Variants in MYO5B observed in about 807,000 individuals in gnomAD.
MYO5B encodes myosin VB, also known as unconventional myosin-Vb.
A neutral mutation model predicts 229.3 loss-of-function variants in MYO5B; 143 were observed. That is an observed-to-expected ratio of 0.62 (90% CI 0.54 to 0.72). The LOEUF (loss-of-function observed/expected upper bound fraction) is 0.72, where lower values mean the gene tolerates loss of function less well. Ranked by LOEUF, MYO5B falls within the 30% of genes least tolerant of loss-of-function variation. The pLI is 0.00. For missense variants in MYO5B, 2,321 were observed against 2,331.0 expected, an observed-to-expected ratio of 1.00 and a Z score of 0.09; for synonymous variants, 918 against 885.2, an observed-to-expected ratio of 1.04 and a Z score of -0.66.
chr18:49,943,578 G>C (rs903740175), intron 14 of MYO5B, among the ~76,000 whole-genome samples: 2 of 152,130 alleles, frequency 1.3e-5, no homozygotes, highest in African/African-American at 4.8e-5. Context: ...CTAGGTCACT[G>C]ACTGTCAAGA....
At chr18:50,077,265 C>T (rs1464019898) in intron 1 of MYO5B, among the ~76,000 whole-genome samples, 2 of 149,980 alleles carry the variant, frequency 1.3e-5, no homozygotes. Context: ...TGAAACCTAA[C>T]GTCTGCTCTA....
At chr18:49,915,702 G>C (rs1207519974) in intron 17 of MYO5B, among the ~76,000 whole-genome samples, 1 of 152,180 alleles carries the variant, frequency 6.6e-6, no homozygotes, top group African/African-American at 2.4e-5. Flanking sequence ...TTAATTATTT[G>C]ATCATGTACA....
intron 1 of MYO5B, among the ~76,000 whole-genome samples, chr18:50,069,129 G>C (rs117354913): frequency 1.6e-3 from 238 of 152,122 alleles, no homozygotes; most frequent in Non-Finnish European, 2.5e-3. Flanking sequence ...AAACTGTCCT[G>C]GGTGCAAGTA....
intron 2 of MYO5B, 44 bp downstream of exon 2, chr18:50,055,224 T>TGGCCCCCC: frequency 1.5e-6 from 1 of 658,278 alleles, no homozygotes; most frequent in Non-Finnish European, 2.9e-6. Flanking sequence ...CTGAGCTCCC[T>TGGCCCCCC]GCCCCACCTC....
intron 2 of MYO5B, among the ~76,000 whole-genome samples, chr18:50,050,463 C>A (rs1319325343): frequency 6.6e-6 from 1 of 152,200 alleles, no homozygotes; most frequent in Non-Finnish European, 1.5e-5. Context: ...GCTATAATGT[C>A]TTCATATGTT....
chr18:50,055,913 T>C (rs1038322123), intron 1 of MYO5B, among the ~76,000 whole-genome samples: 12 of 152,168 alleles, frequency 7.9e-5, no homozygotes, highest in Admixed American at 2.0e-4. Context: ...CTTGAATTTA[T>C]CTGTCCACTC....
intron 22 of MYO5B, among the ~76,000 whole-genome samples, chr18:49,890,305 C>T (rs757590159): frequency 6.6e-6 from 1 of 152,188 alleles, no homozygotes; most frequent in Admixed American, 6.5e-5. Context: ...TGGCTGCATC[C>T]CCTGAGCATG....
intron 10 of MYO5B, among the ~76,000 whole-genome samples, chr18:49,971,638 A>G (rs1451968718): frequency 1.3e-5 from 2 of 152,210 alleles, no homozygotes; most frequent in African/African-American, 4.8e-5. Flanking sequence ...GCCAGTCCAC[A>G]TTTGTAAAAT....
intron 1 of MYO5B, among the ~76,000 whole-genome samples, chr18:50,113,757 C>A (rs996003057): frequency 3.3e-5 from 5 of 152,194 alleles, no homozygotes; most frequent in Admixed American, 1.3e-4. Flanking sequence ...CTTACCCACT[C>A]CCCTTTCTGG....
Position 50,001,419 on chromosome 18 carries a change from G to C in MYO5B, c.456-8C>G. Reference sequence around the variant, plus strand: ...GACTGATTCTTCTCATCTCTGGAAGGAAAAAAGCTCTGATAAGTCATTGGC... The same window carrying C: ...GACTGATTCTTCTCATCTCTGGAAGCAAAAAAGCTCTGATAAGTCATTGGC... On this transcript the variant is annotated splice_polypyrimidine_tract_variant and splice_region_variant and intron_variant, in intron 4 of 39. Coordinates refer to ENST00000285039, the MANE Select transcript of MYO5B (RefSeq NM_001080467.3). The C allele has an allele frequency of 6.2e-7, 1 of 1,613,256 alleles. No homozygotes were observed. Among genetic ancestry groups the C allele is most frequent in the African/African-American group, 1.3e-5 (1 of 74,958 alleles).
At chr18:49,995,802 T>C (rs533364236) in intron 5 of MYO5B, among the ~76,000 whole-genome samples, 1 of 152,326 alleles carries the variant, frequency 6.6e-6, no homozygotes, top group East Asian at 1.9e-4. Flanking sequence ...CATAATCAAC[T>C]GCTGGCTCAC....
At chr18:49,892,163 G>A (rs192218075) in intron 22 of MYO5B, among the ~76,000 whole-genome samples, 13 of 152,346 alleles carry the variant, frequency 8.5e-5, no homozygotes, top group Admixed American at 5.2e-4. Flanking sequence ...CATAGGGATC[G>A]CTGAAGCTTT....
At chr18:49,882,691 G>A (rs1015612079) in intron 22 of MYO5B, among the ~76,000 whole-genome samples, 6 of 148,290 alleles carry the variant, frequency 4.0e-5, no homozygotes, top group Non-Finnish European at 7.4e-5. Context: ...ATGAGATGAC[G>A]CATGTGAAGT....
Position 49,904,677 on chromosome 18 carries a change from G to T in MYO5B, c.2566C>A (p.Arg856Ser), listed in dbSNP as rs770761011. 2 of 1,613,614 alleles carry T rather than the reference G, an allele frequency of 1.2e-6. No individual in the cohort carries two copies. Among genetic ancestry groups the T allele is most frequent in the Admixed American group, 1.7e-5 (1 of 60,008 alleles). The change falls in exon 20 of 40, where the codon CGC (arginine) becomes AGC (serine). Residue 856 changes from arginine (R) to serine (S), a missense_variant. Arg to Ser is a moderately radical substitution (Grantham distance 110). Around this residue, in one of 2 missense-constraint regions of MYO5B, gnomAD observed 2,113 missense variants for 2,044.7 expected, o/e 1.03. Coordinates refer to ENST00000285039, the MANE Select transcript of MYO5B (RefSeq NM_001080467.3). ...CCCTCAGAGTGGCTACTCACCTGGC[G>T]GTAGGTTCTCCGCACAAACATGGCC... is the stretch of plus-strand genomic sequence containing the variant. Reference protein sequence around the residue: ...TRAMFVRRTYRQVLMEHKATT... With the variant: ...TRAMFVRRTYSQVLMEHKATT...
intron 7 of MYO5B, among the ~76,000 whole-genome samples, chr18:49,989,144 A>G (rs1363781858): frequency 6.6e-6 from 1 of 152,220 alleles, no homozygotes; most frequent in African/African-American, 2.4e-5. Flanking sequence ...GGGGCCTAAC[A>G]TGGCCTGAAT....
At chr18:49,948,784 G>C (rs2025402157) in intron 14 of MYO5B, among the ~76,000 whole-genome samples, 1 of 152,160 alleles carries the variant, frequency 6.6e-6, no homozygotes, top group Non-Finnish European at 1.5e-5. Context: ...GGAGGGAGAA[G>C]GGGAGTGAAC....
At chr18:49,836,958 G>T in intron 37 of MYO5B, 73 bp from the exon 38 acceptor site, 1 of 1,463,638 alleles carries the variant, frequency 6.8e-7, no homozygotes, top group South Asian at 1.2e-5. Context: ...CACCTGTTGT[G>T]TTTTGCAGGC....
chr18:49,966,276 C>T (rs558934030), intron 10 of MYO5B, among the ~76,000 whole-genome samples: 79 of 152,298 alleles, frequency 5.2e-4, no homozygotes, highest in African/African-American at 1.9e-3. Context: ...TAAAGCACAG[C>T]CTTTGGCCAT....
At chr18:50,114,076 A>G (rs2031914496) in intron 1 of MYO5B, among the ~76,000 whole-genome samples, 1 of 152,154 alleles carries the variant, frequency 6.6e-6, no homozygotes, top group African/African-American at 2.4e-5. Flanking sequence ...TCTTTAAATC[A>G]TGTTAGATTA....
Sources: allele counts gnomAD v4.1 joint callset (sites outside exome capture counted in the v4.1 genomes callset), GRCh38; gene constraint gnomAD v4.1.1; regional missense constraint gnomAD v4.1.1; transcripts MANE v1.5; gene names NCBI Gene and HGNC (gene_info 2026-07-23, HGNC 2026-07-21).